TAPT1: variants seen among roughly 807,000 people sequenced by gnomAD.
TAPT1 encodes the protein transmembrane anterior posterior transformation protein 1 homolog.
Under a neutral mutation model 65.6 loss-of-function variants are expected in TAPT1, and 28 were observed. The observed-to-expected ratio is 0.43, with a 90% CI of 0.32 to 0.59. The LOEUF is 0.59. Among genes scored for constraint, TAPT1 ranks in the 20% least tolerant of loss-of-function variants. The pLI, the probability that TAPT1 is intolerant of heterozygous loss-of-function variation, is 0.09. For missense variants in TAPT1, 563 were observed against 679.9 expected (o/e 0.83, Z 1.91); for synonymous variants, 278 against 245.2 (o/e 1.13, Z -1.25).
At chr4:16,222,750 T>C (rs1443154020) in intron 1 of TAPT1, among the ~76,000 whole-genome samples, 1 of 152,130 alleles carries the variant, frequency 6.6e-6, no homozygotes, top group Non-Finnish European at 1.5e-5. Context: ...GCTCAATCTC[T>C]AACAGAGGTG....
intron 13 of TAPT1, among the ~76,000 whole-genome samples, chr4:16,165,434 G>A (rs1487626514): frequency 6.6e-6 from 1 of 151,936 alleles, no homozygotes; most frequent in Non-Finnish European, 1.5e-5. Context: ...GCTGGGCGTG[G>A]TGGTGGGCGC....
At chr4:16,193,926 CTAAT>C (rs149468790) in intron 3 of TAPT1, among the ~76,000 whole-genome samples, 1,638 of 152,246 alleles carry the variant, frequency 0.011, 32 homozygotes, top group African/African-American at 0.038. Flanking sequence ...ATTTTGATAA[CTAAT>C]TAAAGTAGAA....
chr4:16,177,247 C>T (rs1269120229), intron 8 of TAPT1, among the ~76,000 whole-genome samples: 1 of 152,182 alleles, frequency 6.6e-6, no homozygotes, highest in Non-Finnish European at 1.5e-5. Context: ...CACTTGCACA[C>T]CCAAACTATG....
chr4:16,208,155 T>A (rs957015966), intron 2 of TAPT1, among the ~76,000 whole-genome samples: 2 of 152,264 alleles, frequency 1.3e-5, no homozygotes, highest in Admixed American at 1.3e-4. Flanking sequence ...ATTTGTAGAA[T>A]TAAATTATGT....
At position 16,188,232 on chromosome 4, in the gene TAPT1, C is replaced by T. The variant is rs531208238; in HGVS notation, c.736G>A (p.Val246Ile). 8 of 1,609,200 alleles carry T rather than the reference C, an allele frequency of 5.0e-6. No individual in the cohort carries two copies. Among genetic ancestry groups the T allele is most frequent in the Admixed American group, 1.7e-5 (1 of 59,084 alleles). ...IGVIPHFFMA[V>I]LYVFLHAILI... ...TCTATAAGGATACAGACATAGAGAA[C>T]AGCCATGAAAAAGTGAGGAATCACC... Residue 246 changes from valine to isoleucine, a missense_variant, in exon 5 of 14, where the codon GTT becomes ATT. This residue lies in a region of TAPT1 where 217 missense variants were observed against 317.5 expected (regional missense o/e 0.68). Transcript: ENST00000405303.
At chr4:16,224,768 C>T (rs1023524306) in intron 1 of TAPT1, among the ~76,000 whole-genome samples, 6 of 152,150 alleles carry the variant, frequency 3.9e-5, no homozygotes, top group Admixed American at 3.9e-4. Context: ...TCCAGGTATC[C>T]AGTCCCAGAA....
intron 3 of TAPT1, among the ~76,000 whole-genome samples, chr4:16,201,605 A>T (rs1439635592): frequency 5.9e-5 from 9 of 152,212 alleles, no homozygotes. Context: ...AAAACCGTAA[A>T]AGCCAAACTC....
At chr4:16,214,790 G>A (rs191063791) in intron 1 of TAPT1, among the ~76,000 whole-genome samples, 1 of 152,254 alleles carries the variant, frequency 6.6e-6, no homozygotes, top group East Asian at 1.9e-4. Context: ...CAGAACGCAG[G>A]TTACCAAAAG....
At chr4:16,216,676 T>C (rs933976409) in intron 1 of TAPT1, among the ~76,000 whole-genome samples, 2 of 152,204 alleles carry the variant, frequency 1.3e-5, no homozygotes, top group African/African-American at 4.8e-5. Flanking sequence ...CAATTCTTCC[T>C]TTAAAACATT....
At chr4:16,164,603 T>C (rs951142008) in intron 13 of TAPT1, among the ~76,000 whole-genome samples, 2 of 152,202 alleles carry the variant, frequency 1.3e-5, no homozygotes, top group African/African-American at 2.4e-5. Flanking sequence ...TTTTTGTTTT[T>C]ATATTTTTTG....
chr4:16,224,368 C>T (rs1489056373), intron 1 of TAPT1, among the ~76,000 whole-genome samples: 21 of 152,236 alleles, frequency 1.4e-4, no homozygotes, highest in Non-Finnish European at 1.5e-5. Flanking sequence ...ATATGGTTAT[C>T]GGAGCTACAG....
In TAPT1 at chr4:16,174,203, C is replaced by A. The variant is rs1385911134; in HGVS notation, c.1236+1G>T. On this transcript the variant is annotated splice_donor_variant, in intron 11 of 13. Transcript: ENST00000405303. LOFTEE classifies it high-confidence loss of function. ...AAAAACATTAAAAAGTATGCACTTACTAAAACAGCTAGTGGGAGAGGAATA... is the reference window on the plus strand; with the variant it reads ...AAAAACATTAAAAAGTATGCACTTAATAAAACAGCTAGTGGGAGAGGAATA... 2 of 1,601,304 alleles carry A rather than the reference C, an allele frequency of 1.2e-6. No homozygotes were observed. Among genetic ancestry groups the A allele is most frequent in the Admixed American group, 1.7e-5 (1 of 58,664 alleles).
chr4:16,160,686 G>A lies in TAPT1; in HGVS notation c.*2622C>T, dbSNP rs992644006. 2 of 152,186 alleles carry A rather than the reference G, an allele frequency of 1.3e-5. No individual in the cohort carries two copies. The highest frequency in any genetic ancestry group is 2.9e-5 in the Non-Finnish European group (2 of 68,034). The allele number at this position is 152,186 out of a possible 1,614,324, so 9.4% of individuals were successfully genotyped here. A position where few individuals can be genotyped will look rare whatever the true frequency, so the allele number is the denominator to read the frequency against. On this transcript the variant is annotated 3_prime_UTR_variant, in exon 14 of 14. Coordinates refer to ENST00000405303, the MANE Select transcript of TAPT1 (RefSeq NM_153365.3). ...ACTTAGAACAGTTTCTGACACATAG[G>A]AAGTGATTAACAAATCTTTGTTGAT...
At chr4:16,181,791 C>T (rs1748727070) in intron 7 of TAPT1, among the ~76,000 whole-genome samples, 1 of 152,234 alleles carries the variant, frequency 6.6e-6, no homozygotes, top group Non-Finnish European at 1.5e-5. Context: ...TGGTCTCCAA[C>T]TCCTGATCTC....
chr4:16,213,759 A>C lies in TAPT1; in HGVS notation c.330+9T>G, dbSNP rs1486836805. On this transcript the variant is annotated intron_variant, in intron 2 of 13. Transcript: ENST00000405303. ...AAAATGATGTCTGGTAATGAAGAAAAAATAGTACCTTTTCCAATTCTCTTG... is the reference window on the plus strand; with the variant it reads ...AAAATGATGTCTGGTAATGAAGAAACAATAGTACCTTTTCCAATTCTCTTG... The C allele has an allele frequency of 1.3e-6, 2 of 1,551,238 alleles. No homozygotes were observed. The highest frequency in any genetic ancestry group is 4.5e-5 in the Admixed American group (2 of 43,986).
intron 2 of TAPT1, among the ~76,000 whole-genome samples, chr4:16,211,611 T>C (rs1354334306): frequency 3.3e-5 from 5 of 152,206 alleles, no homozygotes; most frequent in African/African-American, 9.6e-5. Context: ...AAAGCCTCTC[T>C]CAGGGAAAAC....
intron 3 of TAPT1, among the ~76,000 whole-genome samples, chr4:16,194,752 ACAT>A (rs1749586506): frequency 6.6e-6 from 1 of 152,182 alleles, no homozygotes. Context: ...TCCATTGCTA[ACAT>A]CATAATTGGT....
intron 7 of TAPT1, among the ~76,000 whole-genome samples, chr4:16,186,023 C>T (rs575450073): frequency 4.6e-5 from 7 of 152,220 alleles, no homozygotes; most frequent in Admixed American, 2.0e-4. Context: ...TGATCCACCA[C>T]GCAATGTGGC....
intron 3 of TAPT1, among the ~76,000 whole-genome samples, chr4:16,193,224 T>C (rs577149138): frequency 6.6e-6 from 1 of 152,340 alleles, no homozygotes; most frequent in South Asian, 2.1e-4. Context: ...GGAAATACAC[T>C]GGGCTGGACC....
Sources: allele counts gnomAD v4.1 joint callset (sites outside exome capture counted in the v4.1 genomes callset), GRCh38; gene constraint gnomAD v4.1.1; regional missense constraint gnomAD v4.1.1; transcripts MANE v1.5; gene names NCBI Gene and HGNC (gene_info 2026-07-23, HGNC 2026-07-21).